The following KIAA1671 variants were observed in gnomAD, a reference collection of about 807,000 sequenced individuals.
KIAA1671 encodes the protein uncharacterized protein KIAA1671.
Under a neutral mutation model 131.2 loss-of-function variants are expected in KIAA1671, and 52 were observed. The ratio of observed to expected loss-of-function variants is 0.40; its 90% CI spans 0.32 to 0.50. The LOEUF (loss-of-function observed/expected upper bound fraction) is 0.50, where lower values mean the gene tolerates loss of function less well. KIAA1671 is among the 20% of genes least tolerant of loss of function. The pLI is 0.73. For synonymous variants in KIAA1671, 1,003 were observed against 961.6 expected, an observed-to-expected ratio of 1.04 and a Z score of -0.80; for missense variants, 2,360 against 2,364.2, an observed-to-expected ratio of 1.00 and a Z score of 0.04.
chr22:25,094,415 T>C (rs1930298684), intron 6 of KIAA1671, among the ~76,000 whole-genome samples: 1 of 152,032 alleles, frequency 6.6e-6, no homozygotes, highest in African/African-American at 2.4e-5. Context: ...CCTTGTTGGC[T>C]GAGAGGACAC....
At chr22:24,981,733 C>A (rs1216235700) in intron 1 of KIAA1671, among the ~76,000 whole-genome samples, 1 of 152,144 alleles carries the variant, frequency 6.6e-6, no homozygotes, top group Non-Finnish European at 1.5e-5. Context: ...CGTGACGAGA[C>A]CCCATCTCTA....
At chr22:24,968,162 T>G (rs1419775358) in intron 1 of KIAA1671, among the ~76,000 whole-genome samples, 2 of 152,152 alleles carry the variant, frequency 1.3e-5, no homozygotes, top group Non-Finnish European at 2.9e-5. Flanking sequence ...ACAGCCCCTC[T>G]GCCTTCCTGT....
intron 6 of KIAA1671, among the ~76,000 whole-genome samples, chr22:25,116,355 G>A (rs1413651019): frequency 2.0e-5 from 3 of 151,914 alleles, no homozygotes; most frequent in Non-Finnish European, 4.4e-5. Flanking sequence ...TTGCAAGCAT[G>A]AGCCACTGTA....
chr22:25,004,036 C>G (rs967766704), intron 1 of KIAA1671, among the ~76,000 whole-genome samples: 1 of 151,276 alleles, frequency 6.6e-6, no homozygotes, highest in African/African-American at 2.4e-5. Flanking sequence ...CCAGGCTGGT[C>G]TCGGACTTCT....
At chr22:25,149,088 T>C (rs540969465) in intron 6 of KIAA1671, among the ~76,000 whole-genome samples, 1 of 124,582 alleles carries the variant, frequency 8.0e-6, no homozygotes, top group South Asian at 2.8e-4. Context: ...AATCATTTCC[T>C]GAGCACCTAC....
chr22:25,040,008 A>AAT lies in KIAA1671; in HGVS notation c.2878_2879insAT (p.Thr960AsnfsTer22). The AAT allele has an allele frequency of 6.4e-7, 1 of 1,551,458 alleles. No individual in the cohort carries two copies. The highest frequency in any genetic ancestry group is 2.4e-5 in the East Asian group (1 of 40,910). The stretch of plus-strand genomic sequence containing the variant: ...TTTACCCCCCAACGTGAAATTTGAT[A>AAT]CATTCAGTTCTCTTGTCCCAGAGGA... On this transcript the variant is annotated frameshift_variant, in exon 5 of 13. Coordinates refer to ENST00000358431, the MANE Select transcript of KIAA1671 (RefSeq NM_001145206.2). LOFTEE classifies it high-confidence loss of function.
At position 25,174,369 on chromosome 22, in the gene KIAA1671, C is replaced by T. The variant is rs1163289233; in HGVS notation, c.4779C>T (p.Asp1593=). Reference sequence around the variant, plus strand: ...GGGACCAGTATGACTGCTCCAGGGACCAGCGGAGCACCAGCGTGGACCACT... The same window carrying T: ...GGGACCAGTATGACTGCTCCAGGGATCAGCGGAGCACCAGCGTGGACCACT... ...SAGDQYDCSR[D]QRSTSVDHSS... is the part of the protein sequence containing the mutation. Residue 1593 remains aspartate, a synonymous_variant, in exon 8 of 13, where the codon GAC becomes GAT. Coordinates refer to ENST00000358431, the MANE Select transcript of KIAA1671 (RefSeq NM_001145206.2). 1 of 1,552,092 alleles carries T rather than the reference C, an allele frequency of 6.4e-7. No homozygotes were observed. Among genetic ancestry groups the T allele is most frequent in the Admixed American group, 2.0e-5 (1 of 51,010 alleles).
chr22:25,039,584 G>T lies in KIAA1671; in HGVS notation c.2454G>T (p.Pro818=), dbSNP rs1926801629. The T allele has an allele frequency of 6.4e-7, 1 of 1,551,760 alleles. No individual in the cohort carries two copies. The highest frequency in any genetic ancestry group is 1.4e-5 in the African/African-American group (1 of 73,200). Residue 818 remains proline, a synonymous_variant, in exon 5 of 13, where the codon CCG becomes CCT. Coordinates refer to ENST00000358431, the MANE Select transcript of KIAA1671 (RefSeq NM_001145206.2). ...ASGPKFGGNC[P]FPKWTGGAVV... is the part of the protein sequence containing the mutation. ...GACCGAAGTTTGGGGGCAATTGCCC[G>T]TTTCCCAAATGGACAGGCGGGGCAG...
chr22:25,093,681 CGACACACACACACA>C (rs1568950783), intron 6 of KIAA1671, among the ~76,000 whole-genome samples: 1 of 82,846 alleles, frequency 1.2e-5, no homozygotes, highest in African/African-American at 4.9e-5. Flanking sequence ...CCCTGCCCCC[CGACACACACACACA>C]CACACACACA....
At chr22:25,098,433 T>A (rs753511814) in intron 6 of KIAA1671, among the ~76,000 whole-genome samples, 4 of 152,184 alleles carry the variant, frequency 2.6e-5, no homozygotes, top group Non-Finnish European at 4.4e-5. Flanking sequence ...TCTGTTCTTA[T>A]AAGCCTTCCT....
intron 6 of KIAA1671, among the ~76,000 whole-genome samples, chr22:25,129,659 CTT>C (rs72236192): frequency 0.69 from 92,034 of 133,222 alleles, 31,582 homozygotes; most frequent in African/African-American, 0.83. Context: ...TTCTCTTTTC[CTT>C]TTTTTTTTTT....
Position 25,156,012 on chromosome 22 carries a change from C to CTTTTTTTTTTTTTT in KIAA1671, c.4531-14794_4531-14781dup, listed in dbSNP as rs57822676. ...TTTTGTGCATGTATGTGTGTATGTG[C>CTTTTTTTTTTTTTT]TTTTTTTTTTTTTTTTTTTTTTTTT... On this transcript the variant is annotated intron_variant, in intron 6 of 12. Transcript: ENST00000358431. Among the ~76,000 whole-genome samples the CTTTTTTTTTTTTTT allele has an allele frequency of 5.7e-5, 2 of 35,320 alleles. 1 individual carries two copies. The highest frequency in any genetic ancestry group is 1.3e-4 in the Non-Finnish European group (2 of 15,026). 23.2% of individuals were successfully genotyped at this position (35,320 alleles called of 152,430 possible).
intron 6 of KIAA1671, among the ~76,000 whole-genome samples, chr22:25,067,344 C>T (rs765242379): frequency 6.6e-6 from 1 of 152,094 alleles, no homozygotes; most frequent in African/African-American, 2.4e-5. Context: ...AGCTTTCTCC[C>T]CGGCTGTTCC....
chr22:24,995,688 C>T (rs1228818575), intron 1 of KIAA1671, among the ~76,000 whole-genome samples: 1 of 152,180 alleles, frequency 6.6e-6, no homozygotes, highest in Non-Finnish European at 1.5e-5. Context: ...AATAATAATA[C>T]GGTTATGAGG....
intron 1 of KIAA1671, among the ~76,000 whole-genome samples, chr22:24,955,464 T>C (rs1602023817): frequency 6.6e-6 from 1 of 152,124 alleles, no homozygotes; most frequent in Non-Finnish European, 1.5e-5. Flanking sequence ...GTTGGTGTTA[T>C]GGGCTGCAGA....
intron 6 of KIAA1671, among the ~76,000 whole-genome samples, chr22:25,151,228 C>T (rs1933027824): frequency 6.6e-6 from 1 of 151,576 alleles, no homozygotes. Flanking sequence ...TATTTAGCAT[C>T]CCATCCCCTG....
chr22:25,133,619 T>C (rs1251821826), intron 6 of KIAA1671, among the ~76,000 whole-genome samples: 2 of 152,220 alleles, frequency 1.3e-5, no homozygotes, highest in African/African-American at 2.4e-5. Flanking sequence ...CATAGTTCAC[T>C]GCAGCCTCGA....
At chr22:25,168,469 T>A (rs1933723598) in intron 6 of KIAA1671, among the ~76,000 whole-genome samples, 1 of 152,162 alleles carries the variant, frequency 6.6e-6, no homozygotes, top group Admixed American at 6.5e-5. Context: ...GGTGGGCGGA[T>A]CACCTGAGGC....
At chr22:25,007,263 G>T (rs1223144713) in intron 1 of KIAA1671, among the ~76,000 whole-genome samples, 1 of 151,980 alleles carries the variant, frequency 6.6e-6, no homozygotes, top group African/African-American at 2.4e-5. Flanking sequence ...CGAGGCGGGC[G>T]GATCACGAGG....
Sources: gnomAD v4.1 joint callset for allele counts (sites outside exome capture counted in the v4.1 genomes callset) on GRCh38, gnomAD v4.1.1 for gene constraint, MANE v1.5 for transcripts, NCBI Gene and HGNC (gene_info 2026-07-23, HGNC 2026-07-21) for gene names.